Variants in BSN observed in about 807,000 individuals in gnomAD.
The protein encoded by BSN is protein bassoon.
A neutral mutation model predicts 264.8 loss-of-function variants in BSN; 57 were observed. The ratio of observed to expected loss-of-function variants is 0.22; its 90% CI spans 0.17 to 0.27. The LOEUF is 0.27. Among genes scored for constraint, BSN ranks in the 10% least tolerant of loss-of-function variants. The probability of loss-of-function intolerance (pLI) is 1.00; values close to 1 mark genes in which losing one functional copy is unlikely to be tolerated. For missense variants in BSN, 4,615 were observed against 5,232.5 expected (o/e 0.88, Z 3.64); for synonymous variants, 2,059 against 2,137.3 (o/e 0.96, Z 1.01).
chr3:49,643,592 T>A (rs1575445723), intron 3 of BSN, among the ~76,000 whole-genome samples: 1 of 151,892 alleles, frequency 6.6e-6, no homozygotes, highest in African/African-American at 2.4e-5. Flanking sequence ...CAGGGTGGGG[T>A]GGGAGGCTTT....
intron 1 of BSN, among the ~76,000 whole-genome samples, chr3:49,593,744 GT>G (rs1401484840): frequency 7.0e-6 from 1 of 143,810 alleles, no homozygotes; most frequent in African/African-American, 2.5e-5. Context: ...CTTCTGTTGA[GT>G]TTTGAGGGTT....
chr3:49,581,472 T>C (rs1225230456), intron 1 of BSN, among the ~76,000 whole-genome samples: 1 of 152,240 alleles, frequency 6.6e-6, no homozygotes, highest in African/African-American at 2.4e-5. Context: ...TTATTAGTTA[T>C]TGTGAATCTC....
rs754418611 is a variant in BSN at position 49,657,062 on chromosome 3, GC to G, written c.7513del (p.Thr2506HisfsTer63). On this transcript the variant is annotated frameshift_variant, in exon 5 of 12. Coordinates refer to ENST00000296452, the MANE Select transcript of BSN (RefSeq NM_003458.4). LOFTEE classifies it high-confidence loss of function. ...AGTTGGCCCAGAATGGCCAGTATTG[GC>G]CCCCCCTTACACATGCAGCCTTCAT... ...AELAQNGQYW[P>X]PLTHAAFIAM... is the part of the protein sequence containing the mutation. The G allele has an allele frequency of 1.2e-6, 2 of 1,609,602 alleles. No individual in the cohort carries two copies. Among genetic ancestry groups the G allele is most frequent in the Non-Finnish European group, 1.7e-6 (2 of 1,177,244 alleles).
Position 49,663,324 on chromosome 3 carries a change from G to A in BSN, c.11166G>A (p.Lys3722=), listed in dbSNP as rs148252432. ...SSAYHHASDS[K]KGSRQAHSGP... ...CATACCATCATGCCTCTGACAGCAAGAAGGGCTCCCGGCAAGCCCACTCCG... is the reference window on the plus strand; with the variant it reads ...CATACCATCATGCCTCTGACAGCAAAAAGGGCTCCCGGCAAGCCCACTCCG... The change falls in exon 7 of 12, where the codon AAG becomes AAA. Residue 3722 remains lysine, a synonymous_variant. Coordinates refer to ENST00000296452, the MANE Select transcript of BSN (RefSeq NM_003458.4). 537 of 1,613,924 alleles carry A rather than the reference G, an allele frequency of 3.3e-4. 1 individual carries two copies. Among genetic ancestry groups the A allele is most frequent in the Non-Finnish European group, 4.3e-4 (512 of 1,180,028 alleles).
At position 49,660,350 on chromosome 3, in the gene BSN, C is replaced by T; in HGVS notation, c.8641-136C>T. 1.3e-6 allele frequency: 2 copies of T among 1,489,216 alleles called. No individual in the cohort carries two copies. The highest frequency in any genetic ancestry group is 1.8e-6 in the Non-Finnish European group (2 of 1,120,164). The allele number at this position is 1,489,216 out of a possible 1,614,324, so 92.3% of individuals were successfully genotyped here. On this transcript the variant is annotated intron_variant, in intron 5 of 11. Transcript: ENST00000296452. This position sits in a 1 kb window ranked among gnomAD's most constrained non-coding sequence, Gnocchi z 7.1. ...TGGGTGGGCAGGGTAGGCCTCCAGGCTGCCTGGTAAATCAGGGCACCAGCA... is the reference window on the plus strand; with the variant it reads ...TGGGTGGGCAGGGTAGGCCTCCAGGTTGCCTGGTAAATCAGGGCACCAGCA...
intron 1 of BSN, among the ~76,000 whole-genome samples, chr3:49,562,915 G>A (rs924867443): frequency 2.0e-5 from 3 of 152,098 alleles, no homozygotes; most frequent in Admixed American, 6.6e-5. Context: ...ATGCACGTTG[G>A]GTATGTCCTT....
intron 1 of BSN, among the ~76,000 whole-genome samples, chr3:49,587,892 CTTTT>C (rs2051948084): frequency 1.6e-5 from 2 of 124,182 alleles, no homozygotes; most frequent in African/African-American, 7.9e-5. Flanking sequence ...TGGGGTTTTT[CTTTT>C]CTTTTCTTTT....
intron 1 of BSN, among the ~76,000 whole-genome samples, chr3:49,584,165 G>A (rs1279912507): frequency 1.3e-5 from 2 of 152,110 alleles, no homozygotes; most frequent in Non-Finnish European, 1.5e-5. Context: ...GATTACAGAC[G>A]TGAGCCACCA....
chr3:49,625,121 G>T lies in BSN; in HGVS notation c.371G>T (p.Gly124Val). Residue 124 changes from glycine (G) to valine (V), a missense_variant, in exon 2 of 12, where the codon GGT (glycine) becomes GTT (valine). Transcript: ENST00000296452. This position sits in a 1 kb window ranked among gnomAD's most constrained non-coding sequence, Gnocchi z 4.4. Reference sequence around the variant, plus strand: ...GGACCAGCAGGCCAGGAGGCTGATGGTCCCCGCAGGACGCTGCAGGTAGAC... The same window carrying T: ...GGACCAGCAGGCCAGGAGGCTGATGTTCCCCGCAGGACGCTGCAGGTAGAC... ...AQGPAGQEAD[G>V]PRRTLQVDSR... 3 of 1,601,696 alleles carry T rather than the reference G, an allele frequency of 1.9e-6. No homozygotes were observed. The highest frequency in any genetic ancestry group is 2.2e-5 in the South Asian group (2 of 89,202).
chr3:49,591,224 A>G (rs1293591040), intron 1 of BSN, among the ~76,000 whole-genome samples: 1 of 152,128 alleles, frequency 6.6e-6, no homozygotes, highest in Non-Finnish European at 1.5e-5. Flanking sequence ...CTTTGTTCCC[A>G]CTTACCTCCT....
rs201215049 is a variant in BSN at position 49,661,147 on chromosome 3, C to T, written c.9302C>T (p.Pro3101Leu). ...GCCTTTCCTCCTGGTGCCAGTTACC[C>T]AGCTGAGCCTGGCCTGCCAAACCAG... is the stretch of plus-strand genomic sequence containing the variant. ...APAFPPGASY[P>L]AEPGLPNQQA... The change falls in exon 6 of 12, where the codon CCA (proline) becomes CTA (leucine). Residue 3101 changes from proline (P) to leucine (L), a missense_variant. Pro to Leu is a moderately conservative substitution (Grantham distance 98, BLOSUM62 -3). This residue lies in a region of BSN where 3,415 missense variants were observed against 3,866.4 expected (regional missense o/e 0.88). Transcript: ENST00000296452. 356 of 1,613,206 alleles carry T rather than the reference C, an allele frequency of 2.2e-4. No homozygotes were observed. The highest frequency in any genetic ancestry group is 2.9e-4 in the Non-Finnish European group (342 of 1,179,982).
At chr3:49,583,003 C>A (rs1432537089) in intron 1 of BSN, among the ~76,000 whole-genome samples, 1 of 148,340 alleles carries the variant, frequency 6.7e-6, no homozygotes, top group Non-Finnish European at 1.5e-5. Context: ...GGGTCTTGCT[C>A]TGTTCCCAAG....
intron 1 of BSN, among the ~76,000 whole-genome samples, chr3:49,607,967 G>T (rs1444856120): frequency 6.6e-6 from 1 of 152,196 alleles, no homozygotes; most frequent in African/African-American, 2.4e-5. Context: ...ACAGTGAGGG[G>T]GACTGAGAAT....
intron 1 of BSN, among the ~76,000 whole-genome samples, chr3:49,600,292 G>C (rs903727696): frequency 1.3e-5 from 2 of 152,154 alleles, no homozygotes; most frequent in African/African-American, 4.8e-5. Context: ...GGGAATGGGG[G>C]TCCAGGTGAG....
intron 1 of BSN, among the ~76,000 whole-genome samples, chr3:49,617,318 T>TATATAA (rs1425307719): frequency 5.8e-4 from 79 of 135,514 alleles, no homozygotes; most frequent in African/African-American, 1.9e-3. Flanking sequence ...TATATATATA[T>TATATAA]AATTTTATAA....
chr3:49,653,453 C>T lies in BSN; in HGVS notation c.3897C>T (p.Asp1299=). 3 of 1,614,002 alleles carry T rather than the reference C, an allele frequency of 1.9e-6. No homozygotes were observed. The highest frequency in any genetic ancestry group is 2.5e-6 in the Non-Finnish European group (3 of 1,179,986). Residue 1299 remains aspartate, a synonymous_variant, in exon 5 of 12, where the codon GAC becomes GAT. Coordinates refer to ENST00000296452, the MANE Select transcript of BSN (RefSeq NM_003458.4). The surrounding 1 kb of genome is among the most constrained non-coding windows in gnomAD (Gnocchi z 6.3). ...TAAATGCTGAGAGTGCATACATGGA[C>T]CCAATGAAGCAAAATGGTGGCCCCC... ...QFLNAESAYM[D]PMKQNGGPLT...
Position 49,661,754 on chromosome 3 carries a change from C to T in BSN, c.9909C>T (p.Gly3303=). The change falls in exon 6 of 12, where the codon GGC becomes GGT. Residue 3303 remains glycine, a synonymous_variant. Coordinates refer to ENST00000296452, the MANE Select transcript of BSN (RefSeq NM_003458.4). ...EDSYDPRGKG[G]HLRSMESNGR... is the part of the protein sequence containing the mutation. ...CATACGATCCCCGCGGGAAGGGTGGCCACCTCCGGAGCATGGAGAGCAATG... is the reference window on the plus strand; with the variant it reads ...CATACGATCCCCGCGGGAAGGGTGGTCACCTCCGGAGCATGGAGAGCAATG... The T allele has an allele frequency of 6.2e-7, 1 of 1,613,372 alleles. No individual in the cohort carries two copies.
At chr3:49,565,348 C>T (rs551317664) in intron 1 of BSN, among the ~76,000 whole-genome samples, 2 of 126,540 alleles carry the variant, frequency 1.6e-5, no homozygotes, top group African/African-American at 6.0e-5. Context: ...GACAGAGTCT[C>T]GCTCTGTCGT....
In BSN at chr3:49,655,602, C is replaced by T. The variant is rs745795556; in HGVS notation, c.6046C>T (p.Leu2016Phe). The stretch of plus-strand genomic sequence containing the variant: ...TCCTGGACGAGACTCGGCTATGGAC[C>T]TCAGCTCACTGAAGCACTCCTACAG... ...QGPGRDSAMD[L>F]SSLKHSYSLG... Residue 2016 changes from leucine to phenylalanine, a missense_variant, in exon 5 of 12, where the codon CTC (leucine) becomes TTC (phenylalanine). Leu to Phe is a conservative substitution (Grantham distance 22). Transcript: ENST00000296452. The T allele has an allele frequency of 1.9e-6, 3 of 1,613,688 alleles. No homozygotes were observed. Among genetic ancestry groups the T allele is most frequent in the South Asian group, 2.2e-5 (2 of 91,088 alleles).
Sources: gnomAD v4.1 joint callset for allele counts (sites outside exome capture counted in the v4.1 genomes callset) on GRCh38, gnomAD v4.1.1 for gene constraint, gnomAD v4.1.1 regional missense constraint, Gnocchi (gnomAD v3.1) non-coding constraint, MANE v1.5 for transcripts, NCBI Gene and HGNC (gene_info 2026-07-23, HGNC 2026-07-21) for gene names.